Variants in BRAF observed in about 807,000 individuals in gnomAD.
BRAF encodes the protein B-Raf proto-oncogene, serine/threonine kinase.
A neutral mutation model predicts 104.6 loss-of-function variants in BRAF; 16 were observed. The ratio of observed to expected loss-of-function variants is 0.15; its 90% confidence interval spans 0.10 to 0.23. The LOEUF is 0.23. Ranked by LOEUF, BRAF falls within the 10% of genes least tolerant of loss-of-function variation. The pLI, the probability that BRAF is intolerant of heterozygous loss-of-function variation, is 1.00. For missense variants in BRAF, 541 were observed against 937.3 expected, an observed-to-expected ratio of 0.58 and a Z score of 5.52; for synonymous variants, 310 against 341.6, an observed-to-expected ratio of 0.91 and a Z score of 1.02.
intron 3 of BRAF, among the ~76,000 whole-genome samples, chr7:140,811,932 T>C (rs1226736356): frequency 6.6e-6 from 1 of 152,130 alleles, no homozygotes; most frequent in African/African-American, 2.4e-5. Context: ...TAAACTTAAG[T>C]GAAAGCTCAC....
intron 16 of BRAF, among the ~76,000 whole-genome samples, chr7:140,752,056 A>C (rs1196769375): frequency 6.6e-6 from 1 of 152,216 alleles, no homozygotes; most frequent in Non-Finnish European, 1.5e-5. Flanking sequence ...GATGTTTACC[A>C]TTAAAATTTA....
chr7:140,894,328 T>A (rs995038619), intron 1 of BRAF, among the ~76,000 whole-genome samples: 22 of 151,970 alleles, frequency 1.4e-4, no homozygotes, highest in African/African-American at 4.8e-4. Context: ...AAAAGATAAA[T>A]AAAACAGAAT....
chr7:140,913,062 TTTCTCAAATTTTTGTTCAAATACCCCC>T (rs1489350667), intron 1 of BRAF, among the ~76,000 whole-genome samples: 3 of 152,188 alleles, frequency 2.0e-5, no homozygotes, highest in Non-Finnish European at 4.4e-5. Context: ...CTCCTCCTCC[TTTCTCAAATTTTTGTTCAAATACCCCC>T]TTCTCAAGTG....
At chr7:140,775,954 C>T (rs1800300747) in intron 14 of BRAF, among the ~76,000 whole-genome samples, 1 of 152,098 alleles carries the variant, frequency 6.6e-6, no homozygotes, top group African/African-American at 2.4e-5. Context: ...TACATATATA[C>T]CCTTTTACTC....
chr7:140,753,984 T>C (rs1797998862), intron 15 of BRAF: 1 of 601,078 alleles, frequency 1.7e-6, no homozygotes, highest in Non-Finnish European at 3.0e-6. Flanking sequence ...TGATAGATTT[T>C]CTTGTAATGT....
chr7:140,790,648 G>A (rs1243289911), intron 8 of BRAF, among the ~76,000 whole-genome samples: 3 of 152,180 alleles, frequency 2.0e-5, no homozygotes, highest in Admixed American at 2.0e-4. Context: ...GAGTTACAGA[G>A]CTGGCTATGT....
chr7:140,879,021 T>C (rs1812572959), intron 1 of BRAF, among the ~76,000 whole-genome samples: 1 of 151,968 alleles, frequency 6.6e-6, no homozygotes. Context: ...ATTACAGGCA[T>C]GCACCACCAT....
At chr7:140,822,112 C>T (rs1321812714) in intron 3 of BRAF, among the ~76,000 whole-genome samples, 1 of 152,012 alleles carries the variant, frequency 6.6e-6, no homozygotes, top group Non-Finnish European at 1.5e-5. Flanking sequence ...CAGCATCATG[C>T]AATATACCCA....
intron 1 of BRAF, among the ~76,000 whole-genome samples, chr7:140,904,369 T>C (rs1433914041): frequency 6.6e-6 from 1 of 151,774 alleles, no homozygotes; most frequent in East Asian, 1.9e-4. Flanking sequence ...AGAAGTTTAA[T>C]GAAACTCCAG....
intron 14 of BRAF, among the ~76,000 whole-genome samples, chr7:140,760,411 T>C (rs1205122760): frequency 7.1e-6 from 1 of 140,178 alleles, no homozygotes; most frequent in Non-Finnish European, 1.5e-5. Context: ...AGACTCTTCC[T>C]TGAGAGAGAG....
chr7:140,800,567 G>C, intron 6 of BRAF, 86 bp from the exon 7 acceptor site: 1 of 1,592,184 alleles, frequency 6.3e-7, no homozygotes, highest in Non-Finnish European at 8.6e-7. Flanking sequence ...AAAAAACTGA[G>C]ATCAAATTCC....
chr7:140,876,139 C>A (rs940231780), intron 1 of BRAF, among the ~76,000 whole-genome samples: 3 of 152,108 alleles, frequency 2.0e-5, no homozygotes, highest in Admixed American at 6.5e-5. Flanking sequence ...AGAAACGTAA[C>A]ATACAGCCAA....
chr7:140,913,535 T>C (rs1318362268), intron 1 of BRAF, among the ~76,000 whole-genome samples: 4 of 122,148 alleles, frequency 3.3e-5, no homozygotes, highest in Non-Finnish European at 4.7e-5. Flanking sequence ...CAGGCTGGAG[T>C]GCAGTGGCGC....
chr7:140,880,606 G>GCT (rs1170014543), intron 1 of BRAF, among the ~76,000 whole-genome samples: 3 of 152,108 alleles, frequency 2.0e-5, no homozygotes, highest in East Asian at 3.9e-4. Flanking sequence ...ATCCATCATA[G>GCT]GAATATCTAT....
At chr7:140,753,815 CATT>C in intron 15 of BRAF, 1 of 329,160 alleles carries the variant, frequency 3.0e-6, no homozygotes, top group East Asian at 7.2e-5. Flanking sequence ...TTTCTCACCT[CATT>C]GTTATATAAT....
At chr7:140,905,268 T>A (rs1206102505) in intron 1 of BRAF, among the ~76,000 whole-genome samples, 2 of 152,242 alleles carry the variant, frequency 1.3e-5, no homozygotes, top group African/African-American at 2.4e-5. Context: ...CTGAGAAATC[T>A]GTCTATTTCT....
At chr7:140,754,541 T>C (rs569377595) in intron 14 of BRAF, among the ~76,000 whole-genome samples, 25 of 152,278 alleles carry the variant, frequency 1.6e-4, no homozygotes, top group Admixed American at 1.6e-3. Context: ...CCCTTAAATA[T>C]ACCTTGATAT....
chr7:140,845,957 G>A (rs1808500010), intron 2 of BRAF, among the ~76,000 whole-genome samples: 1 of 152,122 alleles, frequency 6.6e-6, no homozygotes, highest in Non-Finnish European at 1.5e-5. Flanking sequence ...GGCATTACAG[G>A]TGTGAGCCAC....
At chr7:140,866,835 G>A (rs1034771524) in intron 1 of BRAF, among the ~76,000 whole-genome samples, 2 of 151,814 alleles carry the variant, frequency 1.3e-5, no homozygotes, top group Admixed American at 1.3e-4. Context: ...CTAGTTTTAT[G>A]TACTTTTTCG....
Sources: allele counts gnomAD v4.1 joint callset (sites outside exome capture counted in the v4.1 genomes callset), GRCh38; gene constraint gnomAD v4.1.1; transcripts MANE v1.5; gene names NCBI Gene and HGNC (gene_info 2026-07-23, HGNC 2026-07-21).